SFI1: variants seen among roughly 807,000 people sequenced by gnomAD.
SFI1 encodes SFI1 centrin binding protein.
A neutral mutation model predicts 207.5 loss-of-function variants in SFI1; 195 were observed. The observed-to-expected ratio is 0.94, with a 90% confidence interval of 0.84 to 1.06. The LOEUF (loss-of-function observed/expected upper bound fraction) is 1.06. Ranked by LOEUF, SFI1 falls within the 50% of genes least tolerant of loss-of-function variation. The probability of loss-of-function intolerance (pLI) is 0.00; values close to 1 mark genes in which losing one functional copy is unlikely to be tolerated. For synonymous variants in SFI1, 630 were observed against 598.9 expected (o/e 1.05, Z -0.76); for missense variants, 1,634 against 1,588.0 (o/e 1.03, Z -0.49).
In SFI1 at chr22:31,614,776, T is replaced by C; in HGVS notation, c.2997-13T>C. On this transcript the variant is annotated splice_polypyrimidine_tract_variant and intron_variant, in intron 27 of 32. Transcript: ENST00000400288. The stretch of plus-strand genomic sequence containing the variant: ...GGTCAGCCCAGGGGAACAGACCCCA[T>C]GTTTCTTTCCAGCAACACTGCCCAC... The C allele has an allele frequency of 6.2e-7, 1 of 1,613,644 alleles. No individual in the cohort carries two copies. Among genetic ancestry groups the C allele is most frequent in the South Asian group, 1.1e-5 (1 of 91,060 alleles).
At chr22:31,562,423 T>G (rs546437731) in intron 8 of SFI1, among the ~76,000 whole-genome samples, 1 of 145,944 alleles carries the variant, frequency 6.9e-6, no homozygotes, top group South Asian at 2.2e-4. Context: ...AGTGACTGAG[T>G]TGGGGCCCTG....
At chr22:31,569,694 T>A (rs936828659) in intron 8 of SFI1, among the ~76,000 whole-genome samples, 8 of 152,150 alleles carry the variant, frequency 5.3e-5, no homozygotes, top group Non-Finnish European at 1.0e-4. Flanking sequence ...ATGTCTGTAA[T>A]CCCAGCACTT....
chr22:31,498,857 T>A (rs1423433583), intron 1 of SFI1, among the ~76,000 whole-genome samples: 1 of 117,464 alleles, frequency 8.5e-6, no homozygotes, highest in Non-Finnish European at 1.8e-5. Flanking sequence ...GGCTTCTTTT[T>A]TTCTTTTTTT....
chr22:31,581,069 A>G (rs1273829640), intron 12 of SFI1, among the ~76,000 whole-genome samples: 4 of 151,376 alleles, frequency 2.6e-5, no homozygotes, highest in Non-Finnish European at 5.9e-5. Context: ...GCAGTAGATC[A>G]CTGCAGGTTC....
chr22:31,505,759 C>G (rs1017562963), intron 1 of SFI1, among the ~76,000 whole-genome samples: 1 of 152,166 alleles, frequency 6.6e-6, no homozygotes, highest in African/African-American at 2.4e-5. Context: ...TGGCACATAC[C>G]TGTGGTCCCA....
chr22:31,540,031 G>A lies in SFI1; in HGVS notation c.339-6830G>A, dbSNP rs1569252185. On this transcript the variant is annotated intron_variant, in intron 4 of 32. Transcript: ENST00000400288. ...CACACCCAGCCAGAAGCTTTTATAT[G>A]TAAGCATGAAGACTTATAACTTGAA... 2.6e-5 allele frequency among the ~76,000 whole-genome samples: 4 copies of A among 151,328 alleles called. No individual in the cohort carries two copies. In the South Asian group the frequency reaches 8.4e-4, roughly 32 times the overall value.
chr22:31,535,643 C>G (rs1379283205), intron 4 of SFI1, among the ~76,000 whole-genome samples: 2 of 152,094 alleles, frequency 1.3e-5, no homozygotes, highest in Non-Finnish European at 2.9e-5. Context: ...CTCAGCCTCC[C>G]AAGTGGCTGG....
rs1483167072 is a variant in SFI1, at chr22:31,604,932, A to T, written c.2041A>T (p.Arg681Trp). 1 of 1,609,952 alleles carries T rather than the reference A, an allele frequency of 6.2e-7. No individual in the cohort carries two copies. The highest frequency in any genetic ancestry group is 1.1e-5 in the South Asian group (1 of 90,610). Residue 681 changes from arginine to tryptophan, a missense_variant, in exon 20 of 33, where the codon AGG becomes TGG. By Grantham distance (101) the Arg-to-Trp change is moderately radical (BLOSUM62 -3). Coordinates refer to ENST00000400288, the MANE Select transcript of SFI1 (RefSeq NM_001007467.3). ...GGCAGCCAGGGAGAGCCAGCACAAC[A>T]GGCAGCTGCTGCGGTGAGTCTCCCG... The part of the protein sequence containing the change: ...EVAARESQHN[R>W]QLLRGALRRW...
intron 2 of SFI1, among the ~76,000 whole-genome samples, chr22:31,515,099 T>A (rs1171067634): frequency 6.6e-6 from 1 of 151,710 alleles, no homozygotes; most frequent in East Asian, 1.9e-4. Context: ...AGTTCCCAAG[T>A]GATGGTTATG....
chr22:31,616,099 A>C (rs2071387314), intron 29 of SFI1: 3 of 151,770 alleles, frequency 2.0e-5, no homozygotes, highest in African/African-American at 7.3e-5. Context: ...GGCTCCAAGC[A>C]GGGAGCCTGG....
At chr22:31,609,588 A>G (rs1167016235) in intron 22 of SFI1, among the ~76,000 whole-genome samples, 1 of 152,272 alleles carries the variant, frequency 6.6e-6, no homozygotes, top group African/African-American at 2.4e-5. Context: ...GACAAAACTG[A>G]ATCAGCTTTG....
At chr22:31,584,215 C>T in intron 13 of SFI1, among the ~76,000 whole-genome samples, 1 of 152,094 alleles carries the variant, frequency 6.6e-6, no homozygotes, top group East Asian at 1.9e-4. Context: ...TGTGCCTGGT[C>T]GCTCACTGCC....
At chr22:31,531,723 G>A (rs566010532) in intron 4 of SFI1, among the ~76,000 whole-genome samples, 6 of 152,184 alleles carry the variant, frequency 3.9e-5, no homozygotes, top group Admixed American at 2.6e-4. Flanking sequence ...GAGAAACCCC[G>A]TCTCTACTAA....
chr22:31,559,423 G>C, intron 7 of SFI1: 1 of 373,538 alleles, frequency 2.7e-6, no homozygotes, highest in Admixed American at 3.6e-5. Flanking sequence ...ACTCTGTCTC[G>C]AAAAAATAAA....
chr22:31,612,394 A>ATACAT lies in SFI1; in HGVS notation c.2490+554_2490+555insTACAT, dbSNP rs1367477107. 5.5e-3 allele frequency: 591 copies of ATACAT among 107,324 alleles called. 24 individuals carry two copies. Among genetic ancestry groups the ATACAT allele is most frequent in the African/African-American group, 0.021 (564 of 26,798 alleles). The allele number at this position is 107,324 out of a possible 1,614,324, so 6.6% of individuals were successfully genotyped here. On this transcript the variant is annotated intron_variant, in intron 24 of 32. Coordinates refer to ENST00000400288, the MANE Select transcript of SFI1 (RefSeq NM_001007467.3). ...GACTCTGTCTAAAAAAAAAAAAAAA[A>ATACAT]AAAAATATATATATATATATATATA...
intron 7 of SFI1, among the ~76,000 whole-genome samples, chr22:31,560,266 A>G (rs2148248770): frequency 6.6e-6 from 1 of 152,256 alleles, no homozygotes; most frequent in African/African-American, 2.4e-5. Flanking sequence ...GTAGGAAAAA[A>G]AAAACAAGAC....
rs531068992 is a variant in SFI1 at position 31,560,897 on chromosome 22, TC to T, written c.663-392del. ...TTGTATTTTTAATAGAGACAGGGTT[TC>T]ACTGTGTTGGCCAGGCTAGTCTTTT... On this transcript the variant is annotated intron_variant, in intron 7 of 32. Transcript: ENST00000400288. Among the ~76,000 whole-genome samples the T allele has an allele frequency of 2.2e-3, 328 of 152,240 alleles. 1 individual carries two copies. Among genetic ancestry groups the T allele is most frequent in the African/African-American group, 7.6e-3 (314 of 41,536 alleles).
intron 14 of SFI1, among the ~76,000 whole-genome samples, chr22:31,585,347 A>G (rs143070520): frequency 6.6e-6 from 1 of 152,360 alleles, no homozygotes; most frequent in Non-Finnish European, 1.5e-5. Flanking sequence ...CTATGAAAAT[A>G]CAAGTTCTCT....
chr22:31,578,525 C>T (rs2063760233), intron 11 of SFI1, 73 bp downstream of exon 11: 2 of 1,378,064 alleles, frequency 1.5e-6, no homozygotes, highest in Non-Finnish European at 1.0e-6. Flanking sequence ...GGGACCCTGA[C>T]CCCTATCACC....
Sources: gnomAD v4.1 joint callset for allele counts (sites outside exome capture counted in the v4.1 genomes callset) on GRCh38, gnomAD v4.1.1 for gene constraint, MANE v1.5 for transcripts, NCBI Gene and HGNC (gene_info 2026-07-23, HGNC 2026-07-21) for gene names.